Variants in ZCCHC17 observed in about 807,000 individuals in gnomAD.
ZCCHC17 encodes the protein zinc finger CCHC-type containing 17.
In ZCCHC17, 18 loss-of-function variants were observed where a neutral mutation model predicts 30.6. That is an observed-to-expected ratio of 0.59 (90% CI 0.41 to 0.87). The LOEUF (loss-of-function observed/expected upper bound fraction) is 0.87, where lower values mean the gene tolerates loss of function less well. Ranked by LOEUF, ZCCHC17 falls within the 40% of genes least tolerant of loss-of-function variation. The probability of loss-of-function intolerance (pLI) is 0.00; values close to 1 mark genes in which losing one functional copy is unlikely to be tolerated. For missense variants in ZCCHC17, 263 were observed against 284.2 expected (o/e 0.93, Z 0.54); for synonymous variants, 88 against 92.4 (o/e 0.95, Z 0.27).
intron 1 of ZCCHC17, among the ~76,000 whole-genome samples, chr1:31,304,905 T>TA (rs1163453973): frequency 6.6e-6 from 1 of 152,182 alleles, no homozygotes. Flanking sequence ...GTATACTCTT[T>TA]AAAAGTAGCA....
chr1:31,309,723 G>A (rs920155741), intron 1 of ZCCHC17, among the ~76,000 whole-genome samples: 1 of 151,854 alleles, frequency 6.6e-6, no homozygotes, highest in Non-Finnish European at 1.5e-5. Flanking sequence ...TTTGAGATCC[G>A]GTCAAACATA....
intron 7 of ZCCHC17, among the ~76,000 whole-genome samples, chr1:31,358,842 A>G (rs557618363): frequency 6.6e-6 from 1 of 152,178 alleles, no homozygotes; most frequent in Non-Finnish European, 1.5e-5. Flanking sequence ...AGTCATCTAC[A>G]TATAGATGGT....
At chr1:31,358,331 T>G (rs35282110) in intron 7 of ZCCHC17, among the ~76,000 whole-genome samples, 21,509 of 152,144 alleles carry the variant, frequency 0.14, 1,668 homozygotes, top group African/African-American at 0.17. Flanking sequence ...TTGAGTGAGA[T>G]GGATGTTATT....
intron 5 of ZCCHC17, among the ~76,000 whole-genome samples, chr1:31,345,613 G>A (rs1022443281): frequency 1.2e-3 from 16 of 13,046 alleles, no homozygotes; most frequent in Admixed American, 0.012. Context: ...AGAACTACCT[G>A]AGACTGGGTA....
chr1:31,309,808 AC>A (rs1646554772), intron 1 of ZCCHC17, among the ~76,000 whole-genome samples: 1 of 152,208 alleles, frequency 6.6e-6, no homozygotes, highest in South Asian at 2.1e-4. Context: ...ATTTAAAAAA[AC>A]CAAACACAAC....
At chr1:31,299,813 A>G (rs184598877) in intron 1 of ZCCHC17, among the ~76,000 whole-genome samples, 16 of 152,310 alleles carry the variant, frequency 1.1e-4, no homozygotes, top group African/African-American at 3.4e-4. Context: ...ATATAAAGAC[A>G]GAGTTAAAGG....
chr1:31,304,890 C>T (rs542977667), intron 1 of ZCCHC17, among the ~76,000 whole-genome samples: 12 of 152,306 alleles, frequency 7.9e-5, no homozygotes, highest in African/African-American at 1.7e-4. Flanking sequence ...CCACCACGCA[C>T]GGCTGTATAC....
At chr1:31,350,345 T>C (rs1003436244) in intron 7 of ZCCHC17, among the ~76,000 whole-genome samples, 12 of 152,178 alleles carry the variant, frequency 7.9e-5, no homozygotes, top group Non-Finnish European at 1.8e-4. Flanking sequence ...TTAAGTATTA[T>C]CTTAATTTTC....
At chr1:31,356,151 G>A (rs1032396267) in intron 7 of ZCCHC17, among the ~76,000 whole-genome samples, 3 of 152,196 alleles carry the variant, frequency 2.0e-5, no homozygotes, top group African/African-American at 7.2e-5. Context: ...ATGAAATAAA[G>A]ATCATATGGT....
chr1:31,309,372 C>T (rs923991028), intron 1 of ZCCHC17, among the ~76,000 whole-genome samples: 3 of 152,108 alleles, frequency 2.0e-5, no homozygotes, highest in Non-Finnish European at 4.4e-5. Flanking sequence ...GTCTGGGGTG[C>T]AGTGGTGTGA....
intron 3 of ZCCHC17, among the ~76,000 whole-genome samples, chr1:31,334,321 C>T (rs1638717410): frequency 1.7e-5 from 1 of 58,756 alleles, no homozygotes; most frequent in Non-Finnish European, 3.2e-5. Flanking sequence ...CTCTCTCTCT[C>T]TCTCTCTCTC....
chr1:31,343,036 A>C (rs1415769850), intron 5 of ZCCHC17, among the ~76,000 whole-genome samples: 1 of 152,172 alleles, frequency 6.6e-6, no homozygotes, highest in African/African-American at 2.4e-5. Context: ...TTAGGGTCAG[A>C]TTGTGGAGAG....
At chr1:31,331,380 A>C (rs1273210252) in intron 3 of ZCCHC17, among the ~76,000 whole-genome samples, 1 of 151,868 alleles carries the variant, frequency 6.6e-6, no homozygotes, top group African/African-American at 2.4e-5. Flanking sequence ...TCCTGACTTC[A>C]AGTGATCCGC....
rs148937540 is a variant in ZCCHC17, at chr1:31,326,414, G to A, written c.124+7248G>A. ...TTTACCAGCAGTTTTCAAGCTGGCA[G>A]TCAGCAGTCTGTAATTAAGTTTCTC... On this transcript the variant is annotated intron_variant, in intron 3 of 7. Coordinates refer to ENST00000344147, the MANE Select transcript of ZCCHC17 (RefSeq NM_016505.4). 2.3e-3 allele frequency among the ~76,000 whole-genome samples: 344 copies of A among 152,322 alleles called. 3 individuals carry two copies. Among genetic ancestry groups the A allele is most frequent in the East Asian group, 0.022 (113 of 5,188 alleles).
intron 2 of ZCCHC17, among the ~76,000 whole-genome samples, chr1:31,311,750 C>T (rs150978757): frequency 0.013 from 2,044 of 152,278 alleles, 45 homozygotes; most frequent in African/African-American, 0.046. Flanking sequence ...CCTCTTGATA[C>T]CATTGAATTG....
At chr1:31,346,783 G>T (rs752791846) in intron 6 of ZCCHC17, 43 bp downstream of exon 6, 1 of 1,612,780 alleles carries the variant, frequency 6.2e-7, no homozygotes, top group East Asian at 2.2e-5. Flanking sequence ...TCTCCTTGTG[G>T]ATGGACCCTT....
At chr1:31,358,032 G>A (rs12141835) in intron 7 of ZCCHC17, among the ~76,000 whole-genome samples, 21,536 of 152,122 alleles carry the variant, frequency 0.14, 1,673 homozygotes, top group African/African-American at 0.17. Flanking sequence ...GGGATTACAG[G>A]CGTGAGCCAC....
In ZCCHC17 at chr1:31,313,103, A is replaced by G. The variant is rs1646647180; in HGVS notation, c.66+2939A>G. On this transcript the variant is annotated intron_variant, in intron 2 of 7. Coordinates refer to ENST00000344147, the MANE Select transcript of ZCCHC17 (RefSeq NM_016505.4). ...TTTTTTTTTTTCTTTTTTTTGAGAC[A>G]AGATCTCACTCTGTTGCCCAGGCTG... 1.6e-5 allele frequency among the ~76,000 whole-genome samples: 2 copies of G among 125,932 alleles called. 1 individual carries two copies. The highest frequency in any genetic ancestry group is 4.9e-4 in the South Asian group (2 of 4,058). The allele number at this position is 125,932 out of a possible 152,430, so 82.6% of individuals were successfully genotyped here.
At chr1:31,318,184 CAG>C in intron 2 of ZCCHC17, 1 of 1,535,062 alleles carries the variant, frequency 6.5e-7, no homozygotes, top group Non-Finnish European at 8.7e-7. Flanking sequence ...GAAGCTGAAA[CAG>C]TGCTCAAGAT....
Sources: allele counts gnomAD v4.1 joint callset (sites outside exome capture counted in the v4.1 genomes callset), GRCh38; gene constraint gnomAD v4.1.1; transcripts MANE v1.5; gene names NCBI Gene and HGNC (gene_info 2026-07-23, HGNC 2026-07-21).